The following LRP1B variants were observed in gnomAD, a reference collection of about 807,000 sequenced individuals.
LRP1B encodes LDL receptor related protein 1B.
Under a neutral mutation model 556.6 loss-of-function variants are expected in LRP1B, and 217 were observed. The observed-to-expected ratio is 0.39, with a 90% CI of 0.35 to 0.44. LRP1B has a LOEUF of 0.44. LRP1B is among the 20% of genes least tolerant of loss of function. The probability of loss-of-function intolerance (pLI) is 1.00; values close to 1 mark genes in which losing one functional copy is unlikely to be tolerated. For missense variants in LRP1B, 5,053 were observed against 5,620.8 expected (o/e 0.90, Z 3.23); for synonymous variants, 2,047 against 1,865.8 (o/e 1.10, Z -2.50).
chr2:141,385,070 G>C (rs888762876), intron 3 of LRP1B, among the ~76,000 whole-genome samples: 2 of 152,094 alleles, frequency 1.3e-5, no homozygotes, highest in African/African-American at 2.4e-5. Context: ...GTGGTGTGGG[G>C]CTGGTTTTCC....
At chr2:141,360,286 T>C (rs1055980124) in intron 3 of LRP1B, among the ~76,000 whole-genome samples, 1 of 152,194 alleles carries the variant, frequency 6.6e-6, no homozygotes, top group South Asian at 2.1e-4. Context: ...AGAGGACAAA[T>C]ATCCAAGTCA....
At chr2:140,502,923 A>G (rs1327504591) in intron 54 of LRP1B, 40 bp downstream of exon 54, 1 of 1,596,970 alleles carries the variant, frequency 6.3e-7, no homozygotes, top group Non-Finnish European at 8.6e-7. Flanking sequence ...TCCATTGAAA[A>G]CACTTTAGAG....
At chr2:140,325,370 T>C (rs1331136990) in intron 80 of LRP1B, among the ~76,000 whole-genome samples, 5 of 152,074 alleles carry the variant, frequency 3.3e-5, no homozygotes, top group Non-Finnish European at 5.9e-5. Context: ...GTAACAATCA[T>C]TACTGTGATA....
chr2:140,807,283 A>G (rs1329943655), intron 32 of LRP1B, among the ~76,000 whole-genome samples: 1 of 152,188 alleles, frequency 6.6e-6, no homozygotes, highest in Non-Finnish European at 1.5e-5. Flanking sequence ...ATAATGTAGG[A>G]AACTGTTTTT....
chr2:141,526,551 G>A (rs1442947091), intron 2 of LRP1B, among the ~76,000 whole-genome samples: 3 of 151,934 alleles, frequency 2.0e-5, no homozygotes, highest in Admixed American at 6.6e-5. Flanking sequence ...TCTAGAGTGG[G>A]TGGAATTTGA....
intron 41 of LRP1B, among the ~76,000 whole-genome samples, chr2:140,640,465 G>A (rs1472463133): frequency 8.7e-6 from 1 of 115,520 alleles, no homozygotes; most frequent in Non-Finnish European, 1.7e-5. Context: ...GCGCGATCTC[G>A]GCTCACTGCA....
At chr2:140,256,937 A>G (rs1441752222) in intron 86 of LRP1B, among the ~76,000 whole-genome samples, 1 of 145,906 alleles carries the variant, frequency 6.9e-6, no homozygotes, top group Non-Finnish European at 1.5e-5. Flanking sequence ...ATGGCATACC[A>G]ATATCAATAT....
At chr2:142,079,508 T>A (rs115385345) in intron 1 of LRP1B, among the ~76,000 whole-genome samples, 74,612 of 150,674 alleles carry the variant, frequency 0.5, 18,744 homozygotes, top group East Asian at 0.69. Flanking sequence ...TCTTTTTTTT[T>A]ATTTTTTTAT....
chr2:141,237,804 A>G (rs979678102), intron 5 of LRP1B, among the ~76,000 whole-genome samples: 1 of 152,056 alleles, frequency 6.6e-6, no homozygotes, highest in Non-Finnish European at 1.5e-5. Flanking sequence ...CGGCTCTCAC[A>G]ATTTCCCTGT....
intron 1 of LRP1B, among the ~76,000 whole-genome samples, chr2:142,106,609 T>G (rs1706755064): frequency 6.6e-6 from 1 of 152,264 alleles, no homozygotes; most frequent in African/African-American, 2.4e-5. Flanking sequence ...AATATTTCCT[T>G]TTTTGTCACT....
At chr2:141,451,988 C>T (rs1273404514) in intron 3 of LRP1B, among the ~76,000 whole-genome samples, 4 of 152,160 alleles carry the variant, frequency 2.6e-5, no homozygotes, top group African/African-American at 9.7e-5. Flanking sequence ...ATCCCTTCAA[C>T]AAATATTTAT....
At chr2:141,561,057 TA>T (rs1364932089) in intron 2 of LRP1B, among the ~76,000 whole-genome samples, 1 of 151,782 alleles carries the variant, frequency 6.6e-6, no homozygotes, top group African/African-American at 2.4e-5. Flanking sequence ...TTGTGGGTTT[TA>T]AGCAGGGTAG....
At chr2:141,311,537 T>C (rs534555480) in intron 3 of LRP1B, among the ~76,000 whole-genome samples, 1 of 152,170 alleles carries the variant, frequency 6.6e-6, no homozygotes, top group Non-Finnish European at 1.5e-5. Flanking sequence ...CTTAATCATA[T>C]GCAATTAGAC....
intron 29 of LRP1B, among the ~76,000 whole-genome samples, chr2:140,845,498 C>T (rs1444140000): frequency 1.3e-5 from 2 of 148,772 alleles, no homozygotes; most frequent in African/African-American, 2.5e-5. Context: ...CGTAACAGAA[C>T]AAAAAAAATT....
chr2:141,869,339 T>TAC (rs1698510039), intron 1 of LRP1B, among the ~76,000 whole-genome samples: 1 of 152,086 alleles, frequency 6.6e-6, no homozygotes, highest in African/African-American at 2.4e-5. Context: ...TACAGTTTTA[T>TAC]ACCTTCTATA....
chr2:141,757,442 CTAA>C (rs1374888767), intron 2 of LRP1B, among the ~76,000 whole-genome samples: 2 of 152,010 alleles, frequency 1.3e-5, no homozygotes, highest in African/African-American at 4.8e-5. Context: ...TATATGCACA[CTAA>C]TGTTTGAGTA....
chr2:140,654,246 G>T (rs1684793774), intron 41 of LRP1B, among the ~76,000 whole-genome samples: 1 of 152,012 alleles, frequency 6.6e-6, no homozygotes, highest in Non-Finnish European at 1.5e-5. Flanking sequence ...TTTCTTCAAT[G>T]AATCTGGATT....
At chr2:140,772,622 G>C (rs77481945) in intron 33 of LRP1B, among the ~76,000 whole-genome samples, 9,933 of 152,086 alleles carry the variant, frequency 0.065, 828 homozygotes, top group African/African-American at 0.18. Flanking sequence ...ATTTATAATA[G>C]TTATATACTG....
At chr2:142,130,342 A>T (rs922638470) in intron 1 of LRP1B, among the ~76,000 whole-genome samples, 2 of 152,196 alleles carry the variant, frequency 1.3e-5, no homozygotes. Context: ...TCATTCCAAC[A>T]TCTGCAGCGC....
Sources: allele counts gnomAD v4.1 joint callset (sites outside exome capture counted in the v4.1 genomes callset), GRCh38; gene constraint gnomAD v4.1.1; transcripts MANE v1.5; gene names NCBI Gene and HGNC (gene_info 2026-07-23, HGNC 2026-07-21).